CDH13: variants seen among roughly 807,000 people sequenced by gnomAD.
CDH13 encodes the protein cadherin-13.
In CDH13, 24 loss-of-function variants were observed where a neutral mutation model predicts 63.8. That is an observed-to-expected ratio of 0.38 (90% CI 0.27 to 0.53). The LOEUF (loss-of-function observed/expected upper bound fraction) is 0.53, where lower values mean the gene tolerates loss of function less well. CDH13 is among the 20% of genes least tolerant of loss of function. The pLI is 0.85. For missense variants in CDH13, 1,049 were observed against 903.1 expected, an observed-to-expected ratio of 1.16 and a Z score of -2.07; for synonymous variants, 503 against 355.3, an observed-to-expected ratio of 1.42 and a Z score of -4.67.
chr16:83,486,345 A>T, intron 6 of CDH13, 132 bp from the exon 7 acceptor site: 1 of 631,722 alleles, frequency 1.6e-6, no homozygotes, highest in Non-Finnish European at 2.6e-6. Context: ...AAAGCTTGGG[A>T]AATACTTTTC....
rs16960929 is a variant in CDH13, at chr16:83,591,770, T to C, written c.961-10684T>C. ...GCCTGCTGCCCTGGGGAGCCACTTATATATCTTTTATCTTCACCCAAGCCG... is the reference window on the plus strand; with the variant it reads ...GCCTGCTGCCCTGGGGAGCCACTTACATATCTTTTATCTTCACCCAAGCCG... On this transcript the variant is annotated intron_variant, in intron 7 of 13. Coordinates refer to ENST00000567109, the MANE Select transcript of CDH13 (RefSeq NM_001257.5). 9.4e-3 allele frequency among the ~76,000 whole-genome samples: 1,433 copies of C among 152,324 alleles called. 16 individuals are homozygous for C. Among genetic ancestry groups the C allele is most frequent in the African/African-American group, 0.033 (1,383 of 41,574 alleles).
At chr16:83,388,902 G>T (rs2091730996) in intron 6 of CDH13, among the ~76,000 whole-genome samples, 1 of 152,194 alleles carries the variant, frequency 6.6e-6, no homozygotes. Context: ...CAGGTGATCT[G>T]TGTGCTCATA....
chr16:83,368,496 TA>T (rs2151393633), intron 6 of CDH13, among the ~76,000 whole-genome samples: 1 of 152,320 alleles, frequency 6.6e-6, no homozygotes, highest in African/African-American at 2.4e-5. Context: ...CCTAAACATT[TA>T]AAAATTAACT....
intron 6 of CDH13, among the ~76,000 whole-genome samples, chr16:83,415,208 C>A (rs1223431934): frequency 1.3e-5 from 2 of 151,748 alleles, no homozygotes; most frequent in Admixed American, 6.6e-5. Flanking sequence ...TAAAAACATA[C>A]AACCTACCAA....
At chr16:83,155,864 G>C (rs1022966679) in intron 4 of CDH13, among the ~76,000 whole-genome samples, 1 of 152,210 alleles carries the variant, frequency 6.6e-6, no homozygotes, top group Admixed American at 6.5e-5. Flanking sequence ...CTGCATTTTA[G>C]AATCACTTGA....
chr16:82,974,940 C>G (rs1013706989), intron 2 of CDH13, among the ~76,000 whole-genome samples: 2 of 152,232 alleles, frequency 1.3e-5, no homozygotes, highest in East Asian at 1.9e-4. Context: ...CACACATAAA[C>G]TACGCCCAGA....
At chr16:82,847,631 C>T (rs189700389) in intron 1 of CDH13, among the ~76,000 whole-genome samples, 1 of 152,296 alleles carries the variant, frequency 6.6e-6, no homozygotes, top group Non-Finnish European at 1.5e-5. Context: ...CCTTAATTAC[C>T]CTTTGCCATG....
intron 6 of CDH13, among the ~76,000 whole-genome samples, chr16:83,458,056 G>A (rs938977011): frequency 5.3e-5 from 8 of 152,166 alleles, no homozygotes; most frequent in Non-Finnish European, 5.9e-5. Context: ...TGCACCAGAG[G>A]TAGGAACTCA....
intron 8 of CDH13, among the ~76,000 whole-genome samples, chr16:83,670,261 T>A (rs1177849073): frequency 6.6e-6 from 1 of 152,212 alleles, no homozygotes; most frequent in African/African-American, 2.4e-5. Context: ...TTGACTCATC[T>A]GATTATGTTG....
chr16:83,376,087 G>A (rs746150260), intron 6 of CDH13, among the ~76,000 whole-genome samples: 1 of 152,192 alleles, frequency 6.6e-6, no homozygotes, highest in Non-Finnish European at 1.5e-5. Context: ...CCTTGGCTCT[G>A]CTTTTCTCTG....
chr16:83,163,912 T>C (rs2037553395), intron 4 of CDH13, among the ~76,000 whole-genome samples: 1 of 152,158 alleles, frequency 6.6e-6, no homozygotes, highest in African/African-American at 2.4e-5. Flanking sequence ...GTCAACATCA[T>C]CATCATCATC....
chr16:83,759,100 A>T (rs1913745866), intron 11 of CDH13, among the ~76,000 whole-genome samples: 1 of 152,240 alleles, frequency 6.6e-6, no homozygotes, highest in South Asian at 2.1e-4. Context: ...GCAATCTTGA[A>T]GAATAAGTTG....
chr16:83,404,010 T>A (rs892843107), intron 6 of CDH13, among the ~76,000 whole-genome samples: 1 of 152,198 alleles, frequency 6.6e-6, no homozygotes. Flanking sequence ...AGAAATGCAT[T>A]TCTTTTTTTC....
chr16:83,219,806 G>A (rs767275526), intron 5 of CDH13, among the ~76,000 whole-genome samples: 8 of 152,282 alleles, frequency 5.3e-5, no homozygotes, highest in Admixed American at 2.6e-4. Flanking sequence ...CAAGGTGTTC[G>A]GAGGATACAG....
chr16:83,448,257 A>C (rs2072771191), intron 6 of CDH13, among the ~76,000 whole-genome samples: 1 of 152,110 alleles, frequency 6.6e-6, no homozygotes, highest in African/African-American at 2.4e-5. Flanking sequence ...ATCAGTAAGG[A>C]GGGGCTCATT....
intron 4 of CDH13, among the ~76,000 whole-genome samples, chr16:83,197,585 T>C (rs1306406618): frequency 6.6e-6 from 1 of 152,052 alleles, no homozygotes; most frequent in Non-Finnish European, 1.5e-5. Flanking sequence ...GGAGAACAGA[T>C]CAGTGGCTGC....
intron 8 of CDH13, among the ~76,000 whole-genome samples, chr16:83,609,455 G>A (rs1265158350): frequency 1.3e-5 from 2 of 152,172 alleles, no homozygotes; most frequent in Non-Finnish European, 2.9e-5. Flanking sequence ...TGAGTTTTAT[G>A]TTATCTTTAT....
chr16:82,658,652 G>C (rs1335660862), intron 1 of CDH13, among the ~76,000 whole-genome samples: 1 of 152,138 alleles, frequency 6.6e-6, no homozygotes, highest in African/African-American at 2.4e-5. Context: ...CTCCAAGGGT[G>C]GTTGCGTGGG....
chr16:82,630,913 A>G (rs938059353), intron 1 of CDH13, among the ~76,000 whole-genome samples: 5 of 152,226 alleles, frequency 3.3e-5, no homozygotes, highest in African/African-American at 7.2e-5. Context: ...GGCTCCATCC[A>G]CAGCATTACA....
Sources: gnomAD v4.1 joint callset for allele counts (sites outside exome capture counted in the v4.1 genomes callset) on GRCh38, gnomAD v4.1.1 for gene constraint, MANE v1.5 for transcripts, NCBI Gene and HGNC (gene_info 2026-07-23, HGNC 2026-07-21) for gene names.